Variants in GALNT13 observed in about 807,000 individuals in gnomAD.
GALNT13 encodes the protein polypeptide N-acetylgalactosaminyltransferase 13.
In GALNT13, 28 loss-of-function variants were observed where a neutral mutation model predicts 64.2. The observed-to-expected ratio is 0.44, with a 90% CI of 0.32 to 0.60. The LOEUF (loss-of-function observed/expected upper bound fraction) is 0.60. Among genes scored for constraint, GALNT13 ranks in the 20% least tolerant of loss-of-function variants. The pLI, the probability that GALNT13 is intolerant of heterozygous loss-of-function variation, is 0.05. For synonymous variants in GALNT13, 214 were observed against 224.6 expected (o/e 0.95, Z 0.42); for missense variants, 577 against 669.8 (o/e 0.86, Z 1.53).
chr2:153,388,469 A>G, the GALNT13 span, among the ~76,000 whole-genome samples: 1 of 152,106 alleles, frequency 6.6e-6, no homozygotes, highest in African/African-American at 2.4e-5. Flanking sequence ...GAGTGGCTAA[A>G]GCATTTAGTT....
At chr2:153,096,429 T>A in the GALNT13 span, among the ~76,000 whole-genome samples, 2 of 152,228 alleles carry the variant, frequency 1.3e-5, no homozygotes, top group Non-Finnish European at 2.9e-5. Flanking sequence ...TTGATTTTTC[T>A]GTTTTGAAGA....
chr2:153,611,293 T>C, the GALNT13 span, among the ~76,000 whole-genome samples: 1 of 152,182 alleles, frequency 6.6e-6, no homozygotes, highest in Admixed American at 6.6e-5. Flanking sequence ...CAACTCAGCA[T>C]ACCTAATACA....
chr2:153,770,698 C>T, the GALNT13 span, among the ~76,000 whole-genome samples: 1 of 152,286 alleles, frequency 6.6e-6, no homozygotes, highest in Non-Finnish European at 1.5e-5. Flanking sequence ...ATACTTATTC[C>T]TTGTTTACTG....
At chr2:154,113,533 G>A (rs931960145) in intron 3 of GALNT13, among the ~76,000 whole-genome samples, 1 of 152,300 alleles carries the variant, frequency 6.6e-6, no homozygotes, top group African/African-American at 2.4e-5. Context: ...CACCTTAGGA[G>A]GAATATCTCA....
chr2:154,266,632 T>C (rs1158263083), intron 8 of GALNT13, among the ~76,000 whole-genome samples: 1 of 152,004 alleles, frequency 6.6e-6, no homozygotes, highest in Non-Finnish European at 1.5e-5. Flanking sequence ...AATACTATTA[T>C]TTATTAATAG....
intron 9 of GALNT13, among the ~76,000 whole-genome samples, chr2:154,386,407 T>C (rs531915640): frequency 3.3e-5 from 5 of 152,232 alleles, no homozygotes; most frequent in Non-Finnish European, 4.4e-5. Flanking sequence ...TGTGGTGATC[T>C]GGTAAGTTTC....
the GALNT13 span, among the ~76,000 whole-genome samples, chr2:153,086,713 A>ATTTTATTTTATTTTAT: frequency 1.1e-4 from 17 of 149,740 alleles, no homozygotes; most frequent in Admixed American, 4.0e-4. Context: ...ATTTTATTTT[A>ATTTTATTTTATTTTAT]TTTATTTTAT....
intron 1 of GALNT13, among the ~76,000 whole-genome samples, chr2:153,873,241 C>G (rs892680621): frequency 4.6e-5 from 7 of 152,140 alleles, no homozygotes; most frequent in African/African-American, 1.4e-4. Flanking sequence ...CTGCCCTTGT[C>G]CAGGCTGTCG....
chr2:153,259,233 G>A, the GALNT13 span, among the ~76,000 whole-genome samples: 1 of 152,068 alleles, frequency 6.6e-6, no homozygotes, highest in Non-Finnish European at 1.5e-5. Context: ...TCTGAAATAA[G>A]TATAGCTTCT....
chr2:154,216,881 C>G (rs1241412120), intron 4 of GALNT13, among the ~76,000 whole-genome samples: 1 of 132,778 alleles, frequency 7.5e-6, no homozygotes, highest in Non-Finnish European at 1.5e-5. Flanking sequence ...ATGATTATAG[C>G]TCATTGCCTC....
chr2:153,760,512 A>G, the GALNT13 span, among the ~76,000 whole-genome samples: 1 of 152,172 alleles, frequency 6.6e-6, no homozygotes, highest in African/African-American at 2.4e-5. Context: ...ATTCAAGAAT[A>G]TATTGTTTAA....
the GALNT13 span, among the ~76,000 whole-genome samples, chr2:153,302,470 T>G: frequency 2.6e-5 from 4 of 152,232 alleles, no homozygotes; most frequent in East Asian, 5.8e-4. Flanking sequence ...TATTAACCCC[T>G]TATCAGATAT....
the GALNT13 span, among the ~76,000 whole-genome samples, chr2:153,266,519 T>C: frequency 6.6e-6 from 1 of 152,214 alleles, no homozygotes; most frequent in Non-Finnish European, 1.5e-5. Context: ...TCAGAAAACT[T>C]ACAATCACAG....
intron 8 of GALNT13, among the ~76,000 whole-genome samples, chr2:154,298,020 C>G (rs1693031781): frequency 6.6e-6 from 1 of 151,852 alleles, no homozygotes; most frequent in South Asian, 2.1e-4. Flanking sequence ...AGTCTGGATC[C>G]CAGAAAAGAG....
chr2:153,660,747 G>C, the GALNT13 span, among the ~76,000 whole-genome samples: 1 of 151,910 alleles, frequency 6.6e-6, no homozygotes, highest in Non-Finnish European at 1.5e-5. Context: ...CATTGAAGGA[G>C]CAGTCCCTAT....
chr2:154,172,803 C>T (rs1482920019), intron 4 of GALNT13, among the ~76,000 whole-genome samples: 1 of 151,572 alleles, frequency 6.6e-6, no homozygotes, highest in Non-Finnish European at 1.5e-5. Flanking sequence ...AACTATACAA[C>T]ATTGATGAAA....
At chr2:153,398,739 T>A in the GALNT13 span, among the ~76,000 whole-genome samples, 1 of 148,468 alleles carries the variant, frequency 6.7e-6, no homozygotes, top group Non-Finnish European at 1.5e-5. Context: ...AAGTGTCTGT[T>A]CATGTCCTTC....
At position 154,009,520 on chromosome 2, in the gene GALNT13, G is replaced by A. The variant is rs568999060; in HGVS notation, c.142+64881G>A. ...TTATGGCTTTTTTTTTTTTTGAGGC[G>A]GAGTCTCACTCTGTTGCCCAAGTGC... On this transcript the variant is annotated intron_variant, in intron 3 of 12. Transcript: ENST00000392825. 8.6e-4 allele frequency among the ~76,000 whole-genome samples: 125 copies of A among 144,684 alleles called. 3 individuals carry two copies. In the South Asian group the frequency reaches 0.016, roughly 18 times the overall value. The allele number at this position is 144,684 out of a possible 152,430, so 94.9% of individuals were successfully genotyped here. A position where few individuals can be genotyped will look rare whatever the true frequency, so the allele number is the denominator to read the frequency against.
At chr2:153,724,951 A>T in the GALNT13 span, among the ~76,000 whole-genome samples, 5 of 151,486 alleles carry the variant, frequency 3.3e-5, no homozygotes, top group Non-Finnish European at 7.4e-5. Context: ...CCATCCCATT[A>T]CTGGGTATAT....
Sources: allele counts gnomAD v4.1 joint callset (sites outside exome capture counted in the v4.1 genomes callset), GRCh38; gene constraint gnomAD v4.1.1; transcripts MANE v1.5; gene names NCBI Gene and HGNC (gene_info 2026-07-23, HGNC 2026-07-21).